SHANK2: variants seen among roughly 807,000 people sequenced by gnomAD.
The protein encoded by SHANK2 is SH3 and multiple ankyrin repeat domains 2.
A neutral mutation model predicts 133.7 loss-of-function variants in SHANK2; 43 were observed. The ratio of observed to expected loss-of-function variants is 0.32; its 90% CI spans 0.25 to 0.41. The LOEUF (loss-of-function observed/expected upper bound fraction) is 0.41, where lower values mean the gene tolerates loss of function less well. Ranked by LOEUF, SHANK2 falls within the 10% of genes least tolerant of loss-of-function variation. The pLI, the probability that SHANK2 is intolerant of heterozygous loss-of-function variation, is 1.00. For synonymous variants in SHANK2, 1,017 were observed against 952.8 expected, an observed-to-expected ratio of 1.07 and a Z score of -1.24; for missense variants, 1,994 against 2,235.8, an observed-to-expected ratio of 0.89 and a Z score of 2.18.
At chr11:70,650,310 C>T (rs1394660591) in intron 17 of SHANK2, among the ~76,000 whole-genome samples, 1 of 152,190 alleles carries the variant, frequency 6.6e-6, no homozygotes, top group Non-Finnish European at 1.5e-5. Flanking sequence ...AGTAATGAGC[C>T]TCTATGCCCA....
At position 70,836,750 on chromosome 11, in the gene SHANK2, G is replaced by A. The variant is rs73532057; in HGVS notation, c.1175-16068C>T. On this transcript the variant is annotated intron_variant, in intron 11 of 25. Transcript: ENST00000601538. ...CAGCTCCCCTCACAGACTGACTTTC[G>A]TAAAGCAGCACCTGAGACCATCTGA... 4.9e-3 allele frequency among the ~76,000 whole-genome samples: 744 copies of A among 152,330 alleles called. 7 individuals are homozygous for A. The highest frequency in any genetic ancestry group is 0.016 in the African/African-American group (664 of 41,568).
chr11:71,079,902 GAGGGGAGGGGAAGGA>G (rs1951274334), intron 8 of SHANK2, among the ~76,000 whole-genome samples: 4 of 77,286 alleles, frequency 5.2e-5, no homozygotes, highest in Non-Finnish European at 7.9e-5. Context: ...GAAGGAAGGG[GAGGGGAGGGGAAGGA>G]AGGGGAGGGA....
rs147091610 is a variant in SHANK2 at position 70,712,180 on chromosome 11, C to T, written c.1778-13417G>A. Among the ~76,000 whole-genome samples the T allele has an allele frequency of 2.6e-4, 39 of 152,310 alleles. No individual in the cohort carries two copies. The East Asian group carries it at 7.0e-3, about 27-fold the overall frequency. ...TGGCCACTGCCTCCACCTTCAAAGC[C>T]AGCAAAAGCGGGACAAGTCCTTCCC... On this transcript the variant is annotated intron_variant, in intron 14 of 25. Transcript: ENST00000601538.
At chr11:70,806,366 C>G (rs782272086) in intron 13 of SHANK2, among the ~76,000 whole-genome samples, 1 of 152,220 alleles carries the variant, frequency 6.6e-6, no homozygotes, top group Non-Finnish European at 1.5e-5. Flanking sequence ...CAGATGACAC[C>G]ACTGCCAACT....
At chr11:70,607,391 G>A (rs1554992819) in intron 17 of SHANK2, among the ~76,000 whole-genome samples, 1 of 152,084 alleles carries the variant, frequency 6.6e-6, no homozygotes, top group Non-Finnish European at 1.5e-5. Flanking sequence ...CCCACACCCA[G>A]CTCCCCAACC....
chr11:70,664,978 C>T (rs781856272), intron 15 of SHANK2, among the ~76,000 whole-genome samples: 1 of 152,162 alleles, frequency 6.6e-6, no homozygotes, highest in Non-Finnish European at 1.5e-5. Context: ...TCAGAACCAG[C>T]CCAGGCAAGC....
intron 11 of SHANK2, chr11:70,872,167 A>C (rs1949476551): frequency 6.5e-6 from 1 of 154,768 alleles, no homozygotes; most frequent in Admixed American, 6.5e-5. Flanking sequence ...AATCATGCTA[A>C]GTAGGATAAA....
intron 25 of SHANK2, among the ~76,000 whole-genome samples, chr11:70,482,424 G>A (rs1005454258): frequency 6.6e-6 from 1 of 152,224 alleles, no homozygotes; most frequent in Non-Finnish European, 1.5e-5. Flanking sequence ...GCAGGTGTTC[G>A]GTTTGCCAGT....
chr11:71,165,904 C>T (rs1335444450), intron 2 of SHANK2, among the ~76,000 whole-genome samples: 10 of 152,204 alleles, frequency 6.6e-5, no homozygotes, highest in African/African-American at 2.4e-4. Context: ...CGGGGAGCAC[C>T]CTCCATGAGC....
In SHANK2 at chr11:70,640,033, C is replaced by T. The variant is rs147943980; in HGVS notation, c.2061+19795G>A. Among the ~76,000 whole-genome samples the T allele has an allele frequency of 5.1e-3, 784 of 152,312 alleles. 8 individuals are homozygous for T. Among genetic ancestry groups the T allele is most frequent in the African/African-American group, 0.016 (681 of 41,580 alleles). Reference sequence around the variant, plus strand: ...GTCCAGGGGCCTGGAGGCTGCAGAACGTGCAGGTGCAGCTGGGATGTGTCG... The same window carrying T: ...GTCCAGGGGCCTGGAGGCTGCAGAATGTGCAGGTGCAGCTGGGATGTGTCG... On this transcript the variant is annotated intron_variant, in intron 17 of 25. Transcript: ENST00000601538.
intron 17 of SHANK2, among the ~76,000 whole-genome samples, chr11:70,618,975 T>C (rs549919106): frequency 1.3e-5 from 2 of 152,122 alleles, no homozygotes; most frequent in South Asian, 4.2e-4. Flanking sequence ...ACGGGGTGAA[T>C]CATTGCAGGT....
At chr11:71,242,705 A>C (rs1555124540) in intron 1 of SHANK2, among the ~76,000 whole-genome samples, 2 of 152,316 alleles carry the variant, frequency 1.3e-5, no homozygotes, top group East Asian at 3.9e-4. Flanking sequence ...TGTCTGGTTC[A>C]CTGTTGTATC....
rs1948039658 is a variant in SHANK2 at position 70,801,312 on chromosome 11, G to A, written c.1664-2756C>T. 2.0e-5 allele frequency among the ~76,000 whole-genome samples: 3 copies of A among 152,256 alleles called. No individual in the cohort carries two copies. The South Asian group carries it at 6.2e-4, about 32-fold the overall frequency. ...AGGAGGCAGAGGTGACGTGCTGCAA[G>A]GGGTCCCCCCAACACGGGGAGCCTT... On this transcript the variant is annotated intron_variant, in intron 13 of 25. Coordinates refer to ENST00000601538, the MANE Select transcript of SHANK2 (RefSeq NM_012309.5).
intron 21 of SHANK2, among the ~76,000 whole-genome samples, chr11:70,495,307 C>T (rs1446453111): frequency 6.6e-6 from 1 of 152,234 alleles, no homozygotes; most frequent in Admixed American, 6.5e-5. Context: ...TGGGCTGGGA[C>T]TCCTTGGATG....
At chr11:71,066,091 G>A (rs1382188834) in intron 9 of SHANK2, among the ~76,000 whole-genome samples, 3 of 92,150 alleles carry the variant, frequency 3.3e-5, no homozygotes, top group Admixed American at 2.1e-4. Flanking sequence ...GGAAGTTGGT[G>A]GGGGGGGTGT....
At chr11:70,613,763 G>GTTTTTTT (rs57180024) in intron 17 of SHANK2, among the ~76,000 whole-genome samples, 3,503 of 123,698 alleles carry the variant, frequency 0.028, 252 homozygotes, top group Non-Finnish European at 0.034. Context: ...AGGGGAACTT[G>GTTTTTTT]TTTTTTTTTT....
chr11:70,683,663 C>A (rs577307519), intron 15 of SHANK2, among the ~76,000 whole-genome samples: 17 of 152,208 alleles, frequency 1.1e-4, no homozygotes, highest in Admixed American at 5.2e-4. Context: ...AGGGGAGGAA[C>A]CCTCCTTGCT....
At chr11:70,833,672 A>C (rs1238645404) in intron 11 of SHANK2, among the ~76,000 whole-genome samples, 3 of 152,278 alleles carry the variant, frequency 2.0e-5, no homozygotes, top group African/African-American at 7.2e-5. Flanking sequence ...TACTGGGTGC[A>C]GTACTTACGC....
chr11:70,528,729 A>G (rs1252117215), intron 17 of SHANK2, among the ~76,000 whole-genome samples: 1 of 151,884 alleles, frequency 6.6e-6, no homozygotes, highest in Non-Finnish European at 1.5e-5. Context: ...CATGGAAGGA[A>G]GGAAGCGTCC....
Sources: allele counts gnomAD v4.1 joint callset (sites outside exome capture counted in the v4.1 genomes callset), GRCh38; gene constraint gnomAD v4.1.1; transcripts MANE v1.5; gene names NCBI Gene and HGNC (gene_info 2026-07-23, HGNC 2026-07-21).